MPP7: variants seen among roughly 807,000 people sequenced by gnomAD.
The protein encoded by MPP7 is MAGUK p55 subfamily member 7.
MPP7 carries 60 observed loss-of-function variants against 76.5 expected under a neutral mutation model. The observed-to-expected ratio is 0.78, with a 90% CI of 0.64 to 0.97. The LOEUF is 0.97. Ranked by LOEUF, MPP7 falls within the 50% of genes least tolerant of loss-of-function variation. The pLI is 0.00. For synonymous variants in MPP7, 237 were observed against 244.5 expected (o/e 0.97, Z 0.29); for missense variants, 641 against 694.0 (o/e 0.92, Z 0.86).
At chr10:28,199,208 C>T (rs1436470518) in intron 3 of MPP7, among the ~76,000 whole-genome samples, 1 of 152,068 alleles carries the variant, frequency 6.6e-6, no homozygotes, top group African/African-American at 2.4e-5. Context: ...CCGCGGGGTC[C>T]TTCCCACAAC....
chr10:28,249,482 G>T (rs1839543254), intron 1 of MPP7, among the ~76,000 whole-genome samples: 1 of 152,140 alleles, frequency 6.6e-6, no homozygotes, highest in Admixed American at 6.5e-5. Context: ...CCAGCTATTC[G>T]AGAGGCTGAG....
intron 2 of MPP7, 125 bp from the exon 3 acceptor site, chr10:28,202,396 C>CTAAA: frequency 3.2e-6 from 2 of 618,366 alleles, no homozygotes; most frequent in South Asian, 4.4e-5. Context: ...GGCCATCAAG[C>CTAAA]TAAACACTTC....
chr10:28,299,949 A>C (rs1841116277), intron 1 of MPP7, among the ~76,000 whole-genome samples: 1 of 151,668 alleles, frequency 6.6e-6, no homozygotes. Context: ...TCTATTTTTT[A>C]GTAGAGACAG....
intron 13 of MPP7, among the ~76,000 whole-genome samples, chr10:28,065,761 T>C (rs988778143): frequency 1.3e-5 from 2 of 152,190 alleles, no homozygotes; most frequent in African/African-American, 4.8e-5. Flanking sequence ...AAGTATTGTA[T>C]GGACAAACAA....
intron 1 of MPP7, among the ~76,000 whole-genome samples, chr10:28,258,452 T>G (rs945871526): frequency 6.7e-6 from 1 of 149,062 alleles, no homozygotes; most frequent in Non-Finnish European, 1.5e-5. Context: ...CAGGCTAGAG[T>G]GCAGTGGCAT....
chr10:28,054,675 T>A (rs951615799), intron 16 of MPP7, among the ~76,000 whole-genome samples: 1 of 152,066 alleles, frequency 6.6e-6, no homozygotes, highest in Non-Finnish European at 1.5e-5. Flanking sequence ...ATGATTACCA[T>A]GTTTTTTGTT....
intron 2 of MPP7, among the ~76,000 whole-genome samples, chr10:28,320,927 A>G (rs1834363983): frequency 6.6e-6 from 1 of 152,012 alleles, no homozygotes. Context: ...ACAGTGAGGC[A>G]ATTCAGGGGC....
intron 6 of MPP7, among the ~76,000 whole-genome samples, chr10:28,129,038 T>C (rs1372593179): frequency 6.6e-6 from 1 of 152,216 alleles, no homozygotes; most frequent in Admixed American, 6.5e-5. Flanking sequence ...TCTCTCACTT[T>C]CTACATGATA....
intron 11 of MPP7, among the ~76,000 whole-genome samples, chr10:28,092,642 G>A (rs928369536): frequency 4.1e-5 from 6 of 147,806 alleles, no homozygotes; most frequent in African/African-American, 1.5e-4. Flanking sequence ...GCAGGATCTC[G>A]GCTCTCTGAA....
At chr10:28,122,827 C>T (rs1344598119) in intron 8 of MPP7, among the ~76,000 whole-genome samples, 1 of 151,856 alleles carries the variant, frequency 6.6e-6, no homozygotes, top group Non-Finnish European at 1.5e-5. Flanking sequence ...CTTTATGGCA[C>T]CTTTTTTCTA....
intron 5 of MPP7, among the ~76,000 whole-genome samples, chr10:28,133,946 T>C (rs1017612580): frequency 1.3e-5 from 2 of 152,196 alleles, no homozygotes; most frequent in African/African-American, 4.8e-5. Flanking sequence ...GCAATTTCTT[T>C]ACCCATTATG....
intron 1 of MPP7, among the ~76,000 whole-genome samples, chr10:28,245,946 G>A (rs1239873783): frequency 6.6e-6 from 1 of 151,420 alleles, no homozygotes; most frequent in Non-Finnish European, 1.5e-5. Context: ...AAAGTCAGAA[G>A]AGCAAAAGCG....
chr10:28,204,466 T>C (rs1444428006), intron 2 of MPP7, among the ~76,000 whole-genome samples: 1 of 139,368 alleles, frequency 7.2e-6, no homozygotes, highest in East Asian at 2.2e-4. Flanking sequence ...AAAAAATGCA[T>C]AGCACTAAAT....
chr10:28,143,178 A>G (rs1421415962), intron 5 of MPP7, among the ~76,000 whole-genome samples: 1 of 152,204 alleles, frequency 6.6e-6, no homozygotes, highest in African/African-American at 2.4e-5. Flanking sequence ...TAATATTTAT[A>G]TATACAGAAA....
At chr10:28,078,547 T>G (rs1273522053) in intron 12 of MPP7, among the ~76,000 whole-genome samples, 1 of 152,258 alleles carries the variant, frequency 6.6e-6, no homozygotes, top group Non-Finnish European at 1.5e-5. Context: ...CTAAAGTTGG[T>G]GTGTCTCTTA....
chr10:28,061,067 G>A (rs1021227966), intron 13 of MPP7, among the ~76,000 whole-genome samples: 4 of 151,728 alleles, frequency 2.6e-5, no homozygotes, highest in Admixed American at 1.3e-4. Flanking sequence ...ACATTCTCCC[G>A]AATATGGTAA....
intron 3 of MPP7, among the ~76,000 whole-genome samples, chr10:28,182,310 G>T (rs985031198): frequency 3.3e-5 from 5 of 152,178 alleles, no homozygotes; most frequent in African/African-American, 1.2e-4. Flanking sequence ...GATCCTGTTG[G>T]TAAGTATTTT....
chr10:28,132,543 C>T (rs1835226986), intron 5 of MPP7, among the ~76,000 whole-genome samples: 1 of 152,148 alleles, frequency 6.6e-6, no homozygotes, highest in Non-Finnish European at 1.5e-5. Flanking sequence ...GATCCTAATT[C>T]CTCAGCCTCC....
At chr10:28,085,349 C>T (rs1564622779) in intron 12 of MPP7, among the ~76,000 whole-genome samples, 1 of 152,118 alleles carries the variant, frequency 6.6e-6, no homozygotes, top group Non-Finnish European at 1.5e-5. Context: ...AAGGAATACA[C>T]TCATAGCTCT....
Sources: gnomAD v4.1 joint callset for allele counts (sites outside exome capture counted in the v4.1 genomes callset) on GRCh38, gnomAD v4.1.1 for gene constraint, MANE v1.5 for transcripts, NCBI Gene and HGNC (gene_info 2026-07-23, HGNC 2026-07-21) for gene names.